GLIS3: variants seen among roughly 807,000 people sequenced by gnomAD.
The protein encoded by GLIS3 is GLIS family zinc finger 3.
In GLIS3, 53 loss-of-function variants were observed where a neutral mutation model predicts 78.6. The ratio of observed to expected loss-of-function variants is 0.67; its 90% CI spans 0.54 to 0.85. The LOEUF (loss-of-function observed/expected upper bound fraction) is 0.85, where lower values mean the gene tolerates loss of function less well. GLIS3 is among the 40% of genes least tolerant of loss of function. The pLI is 0.00. For synonymous variants in GLIS3, 684 were observed against 509.9 expected, an observed-to-expected ratio of 1.34 and a Z score of -4.60; for missense variants, 1,703 against 1,231.1, an observed-to-expected ratio of 1.38 and a Z score of -5.74.
intron 4 of GLIS3, among the ~76,000 whole-genome samples, chr9:4,017,730 G>C (rs938247873): frequency 3.3e-5 from 5 of 152,320 alleles, no homozygotes; most frequent in African/African-American, 1.2e-4. Context: ...AGAAATCCAA[G>C]AATGTGCAGG....
chr9:4,096,451 G>T (rs806034), intron 4 of GLIS3, among the ~76,000 whole-genome samples: 27,023 of 152,160 alleles, frequency 0.18, 3,418 homozygotes, highest in African/African-American at 0.36. Flanking sequence ...AGTTCTCAAT[G>T]ACCCTTTCTT....
chr9:3,912,676 G>T (rs1483400829), intron 6 of GLIS3, among the ~76,000 whole-genome samples: 1 of 152,108 alleles, frequency 6.6e-6, no homozygotes, highest in East Asian at 1.9e-4. Context: ...TTTCTAGCTA[G>T]AAAATGATAC....
intron 4 of GLIS3, chr9:4,054,607 A>G (rs1825990009): frequency 2.7e-6 from 1 of 370,850 alleles, no homozygotes; most frequent in African/African-American, 2.2e-5. Context: ...TTCAGAGCTT[A>G]AAGATCTAAT....
intron 2 of GLIS3, among the ~76,000 whole-genome samples, chr9:4,140,206 C>T (rs1180219279): frequency 1.3e-5 from 2 of 152,094 alleles, no homozygotes; most frequent in Non-Finnish European, 2.9e-5. Flanking sequence ...TGCCTATAAT[C>T]CCAGCTACTT....
upstream of GLIS3, among the ~76,000 whole-genome samples, chr9:4,302,931 A>G (rs1183964268): frequency 1.3e-5 from 2 of 152,110 alleles, no homozygotes; most frequent in Admixed American, 1.3e-4. Context: ...AGCAAAGGAG[A>G]CCATTTCAAG....
intron 9 of GLIS3, among the ~76,000 whole-genome samples, chr9:3,832,676 G>A (rs771486115): frequency 5.9e-5 from 9 of 152,154 alleles, no homozygotes; most frequent in South Asian, 2.1e-4. Flanking sequence ...GGAGGAAAAC[G>A]TTAGCATAAA....
the GLIS3 span, among the ~76,000 whole-genome samples, chr9:4,382,848 A>G: frequency 6.6e-6 from 1 of 152,164 alleles, no homozygotes; most frequent in Admixed American, 6.5e-5. Flanking sequence ...TCATTTTCTA[A>G]TGAATTACAT....
chr9:4,377,141 G>A, the GLIS3 span, among the ~76,000 whole-genome samples: 1 of 135,012 alleles, frequency 7.4e-6, no homozygotes, highest in African/African-American at 2.6e-5. Flanking sequence ...ATTGTTTCTG[G>A]GTGTGTCTGT....
chr9:3,831,193 G>T (rs1159039407), intron 9 of GLIS3, among the ~76,000 whole-genome samples: 1 of 152,180 alleles, frequency 6.6e-6, no homozygotes, highest in Non-Finnish European at 1.5e-5. Flanking sequence ...CTTGTTATTA[G>T]TATAGACTAG....
intron 4 of GLIS3, among the ~76,000 whole-genome samples, chr9:4,025,393 CTTGT>C (rs1294645161): frequency 2.6e-5 from 4 of 152,052 alleles, no homozygotes; most frequent in African/African-American, 9.7e-5. Context: ...TATTTGTTTG[CTTGT>C]TTGTTTTTTG....
intron 2 of GLIS3, among the ~76,000 whole-genome samples, chr9:4,317,449 G>A (rs927359774): frequency 6.6e-6 from 1 of 152,146 alleles, no homozygotes; most frequent in Admixed American, 6.5e-5. Context: ...TGCTTTAAAG[G>A]CATTTGTAAT....
chr9:4,305,543 C>G (rs1817206259), intron 4 of GLIS3: 1 of 152,232 alleles, frequency 6.6e-6, no homozygotes, highest in African/African-American at 2.4e-5. Flanking sequence ...AATCTCACTC[C>G]CTTGGTCAAA....
chr9:3,893,087 C>T (rs958737172), intron 7 of GLIS3, among the ~76,000 whole-genome samples: 5 of 152,092 alleles, frequency 3.3e-5, no homozygotes, highest in African/African-American at 9.7e-5. Context: ...TGATCCTCTC[C>T]CTCCTCCCAC....
intron 5 of GLIS3, among the ~76,000 whole-genome samples, chr9:3,935,589 A>G (rs1825857022): frequency 6.6e-6 from 1 of 152,200 alleles, no homozygotes; most frequent in Non-Finnish European, 1.5e-5. Flanking sequence ...AGTAGAAGCA[A>G]TTTCTCAAGA....
chr9:4,425,760 G>A, the GLIS3 span, among the ~76,000 whole-genome samples: 3 of 152,202 alleles, frequency 2.0e-5, no homozygotes, highest in African/African-American at 7.2e-5. Context: ...CTGCCCAGCA[G>A]GGTAGCCTGC....
In GLIS3 at chr9:4,321,382, A is replaced by C. The variant is rs1011878013; in HGVS notation, n.265-10854T>G. The stretch of plus-strand genomic sequence containing the variant: ...GCTTGCAGGGAGCCGAGATGGCGCC[A>C]CTGCACTCCAGCCTGGGCCACAGAG... On this transcript the variant is annotated intron_variant and non_coding_transcript_variant, in intron 2 of 4. Coordinates refer to the GLIS3 transcript ENST00000471664. Among the ~76,000 whole-genome samples, 2 of 110,848 alleles carry C rather than the reference A, an allele frequency of 1.8e-5. 1 individual carries two copies. The highest frequency in any genetic ancestry group is 2.2e-4 in the Admixed American group (2 of 9,244). The allele number at this position is 110,848 out of a possible 152,430, so 72.7% of individuals were successfully genotyped here.
At chr9:3,904,643 G>A (rs1279409127) in intron 6 of GLIS3, among the ~76,000 whole-genome samples, 1 of 152,160 alleles carries the variant, frequency 6.6e-6, no homozygotes, top group African/African-American at 2.4e-5. Flanking sequence ...GAAAAGGGCT[G>A]GATGTGCATA....
intron 2 of GLIS3, among the ~76,000 whole-genome samples, chr9:4,204,080 C>G (rs1276226052): frequency 1.3e-5 from 2 of 152,104 alleles, no homozygotes; most frequent in Non-Finnish European, 2.9e-5. Flanking sequence ...CATGTGTCCT[C>G]TGAATCTAAT....
At chr9:4,126,618 A>T (rs768007267) in intron 2 of GLIS3, among the ~76,000 whole-genome samples, 26 of 152,216 alleles carry the variant, frequency 1.7e-4, no homozygotes, top group Non-Finnish European at 3.4e-4. Context: ...TACATACCCA[A>T]AGGGGAAAGA....
Sources: allele counts gnomAD v4.1 joint callset (sites outside exome capture counted in the v4.1 genomes callset), GRCh38; gene constraint gnomAD v4.1.1; transcripts MANE v1.5; gene names NCBI Gene and HGNC (gene_info 2026-07-23, HGNC 2026-07-21).